CAPZA1: variants seen among roughly 807,000 people sequenced by gnomAD.
CAPZA1 encodes the protein F-actin-capping protein subunit alpha-1.
In CAPZA1, 10 loss-of-function variants were observed where a neutral mutation model predicts 40.8. That is an observed-to-expected ratio of 0.25 (90% CI 0.15 to 0.42). The LOEUF is 0.42. Ranked by LOEUF, CAPZA1 falls within the 10% of genes least tolerant of loss-of-function variation. The pLI, the probability that CAPZA1 is intolerant of heterozygous loss-of-function variation, is 1.00. For synonymous variants in CAPZA1, 98 were observed against 115.0 expected (o/e 0.85, Z 0.95); for missense variants, 277 against 353.8 (o/e 0.78, Z 1.74).
intron 1 of CAPZA1, chr1:112,620,283 T>C (rs1395100656): frequency 6.1e-6 from 1 of 164,088 alleles, no homozygotes; most frequent in Non-Finnish European, 1.3e-5. Context: ...TTTGTAGATA[T>C]AATTGGGGTT....
chr1:112,647,012 A>G (rs1474291127), intron 1 of CAPZA1, among the ~76,000 whole-genome samples, 198 bp from the exon 2 acceptor site: 2 of 152,234 alleles, frequency 1.3e-5, no homozygotes, highest in African/African-American at 4.8e-5. Context: ...ATATTCCCAA[A>G]TCAGAATGTA....
intron 1 of CAPZA1, among the ~76,000 whole-genome samples, chr1:112,643,701 C>T (rs137966641): frequency 6.6e-6 from 1 of 152,286 alleles, no homozygotes; most frequent in African/African-American, 2.4e-5. Context: ...TTCCATTCTA[C>T]CTTGCTCCAT....
intron 5 of CAPZA1, among the ~76,000 whole-genome samples, chr1:112,655,681 G>A (rs1570720527): frequency 6.6e-6 from 1 of 152,028 alleles, no homozygotes; most frequent in East Asian, 1.9e-4. Flanking sequence ...TCCTGCCTCA[G>A]CTTCCTGAGT....
At chr1:112,660,045 A>G (rs974447441) in intron 7 of CAPZA1, among the ~76,000 whole-genome samples, 1 of 152,006 alleles carries the variant, frequency 6.6e-6, no homozygotes, top group Non-Finnish European at 1.5e-5. Flanking sequence ...ATTATCAAAC[A>G]GCAGTTTTAG....
At chr1:112,640,063 C>G (rs1671114208) in intron 1 of CAPZA1, among the ~76,000 whole-genome samples, 1 of 123,396 alleles carries the variant, frequency 8.1e-6, no homozygotes, top group African/African-American at 3.1e-5. Context: ...AGGTGAGGGT[C>G]GCCTCTGCCC....
At chr1:112,620,630 A>G (rs1670608370) in intron 1 of CAPZA1, 1 of 152,264 alleles carries the variant, frequency 6.6e-6, no homozygotes, top group Non-Finnish European at 1.5e-5. Flanking sequence ...GGTTTTCTGT[A>G]ACACATAATA....
At chr1:112,649,784 A>G in intron 3 of CAPZA1, 1 of 359,282 alleles carries the variant, frequency 2.8e-6, no homozygotes. Context: ...TTAAACAGCT[A>G]GCTATACATA....
intron 1 of CAPZA1, among the ~76,000 whole-genome samples, chr1:112,623,420 C>A (rs1196527671): frequency 6.6e-6 from 1 of 152,156 alleles, no homozygotes; most frequent in Non-Finnish European, 1.5e-5. Flanking sequence ...GTGGCTCACG[C>A]CTGTGACCCC....
chr1:112,652,492 A>AC (rs1671412421), intron 3 of CAPZA1, among the ~76,000 whole-genome samples: 1 of 152,004 alleles, frequency 6.6e-6, no homozygotes, highest in Non-Finnish European at 1.5e-5. Flanking sequence ...AAAAAAAAAA[A>AC]AAAAGCTTTA....
At chr1:112,669,935 T>G (rs563996968) in intron 9 of CAPZA1, 57 bp from the exon 10 acceptor site, 1 of 1,600,256 alleles carries the variant, frequency 6.2e-7, no homozygotes, top group Non-Finnish European at 8.6e-7. Flanking sequence ...ATTACTTTTC[T>G]GTTCACAACC....
At position 112,653,444 on chromosome 1, in the gene CAPZA1, A is replaced by G. The variant is rs565135753; in HGVS notation, c.156-154A>G. On this transcript the variant is annotated intron_variant, in intron 3 of 9. Transcript: ENST00000263168. Reference sequence around the variant, plus strand: ...GAAAGCTGGAAGGCATTATGTTAACACTGGATGTCTGGGGAGAAGGGAAAA... The same window carrying G: ...GAAAGCTGGAAGGCATTATGTTAACGCTGGATGTCTGGGGAGAAGGGAAAA... Among the ~76,000 whole-genome samples, 147 of 152,232 alleles carry G rather than the reference A, an allele frequency of 9.7e-4. No individual in the cohort carries two copies. The Middle Eastern group carries it at 0.01, about 11-fold the overall frequency.
At chr1:112,663,140 A>G (rs950204561) in intron 7 of CAPZA1, among the ~76,000 whole-genome samples, 1 of 151,600 alleles carries the variant, frequency 6.6e-6, no homozygotes, top group Admixed American at 6.6e-5. Context: ...AATTTTTTGT[A>G]TTTTTAGCAG....
intron 7 of CAPZA1, among the ~76,000 whole-genome samples, chr1:112,663,068 G>A (rs762840644): frequency 3.1e-4 from 47 of 152,118 alleles, no homozygotes; most frequent in Non-Finnish European, 5.3e-4. Context: ...GGGTTCAAGC[G>A]ATTCTCCTGC....
At chr1:112,635,307 A>C (rs1670993673) in intron 1 of CAPZA1, among the ~76,000 whole-genome samples, 1 of 152,172 alleles carries the variant, frequency 6.6e-6, no homozygotes, top group South Asian at 2.1e-4. Context: ...TAATACATTC[A>C]GTAGACTAAT....
intron 7 of CAPZA1, among the ~76,000 whole-genome samples, chr1:112,661,864 A>G (rs1170091014): frequency 6.6e-6 from 1 of 152,214 alleles, no homozygotes; most frequent in Non-Finnish European, 1.5e-5. Flanking sequence ...GATTGAGCAC[A>G]CTTTTGGGGA....
intron 1 of CAPZA1, among the ~76,000 whole-genome samples, chr1:112,621,127 C>A (rs7542601): frequency 0.012 from 1,762 of 152,280 alleles, 38 homozygotes; most frequent in African/African-American, 0.039. Flanking sequence ...GTTAGATTTT[C>A]TCTTATTTGG....
At chr1:112,621,764 T>TG (rs1205138520) in intron 1 of CAPZA1, among the ~76,000 whole-genome samples, 2 of 148,074 alleles carry the variant, frequency 1.4e-5, no homozygotes, top group East Asian at 2.0e-4. Flanking sequence ...GGTTATGGTT[T>TG]TTTTTTTTTT....
At chr1:112,653,220 T>C (rs1671432163) in intron 3 of CAPZA1, among the ~76,000 whole-genome samples, 1 of 152,200 alleles carries the variant, frequency 6.6e-6, no homozygotes, top group African/African-American at 2.4e-5. Context: ...TAGTCCCAGC[T>C]ACTCAGGAAA....
chr1:112,662,749 A>G (rs182593422), intron 7 of CAPZA1, among the ~76,000 whole-genome samples: 1 of 152,082 alleles, frequency 6.6e-6, no homozygotes, highest in Non-Finnish European at 1.5e-5. Flanking sequence ...ACCTTACCCT[A>G]TATTCCTTTC....
Sources: gnomAD v4.1 joint callset for allele counts (sites outside exome capture counted in the v4.1 genomes callset) on GRCh38, gnomAD v4.1.1 for gene constraint, MANE v1.5 for transcripts, NCBI Gene and HGNC (gene_info 2026-07-23, HGNC 2026-07-21) for gene names.